Variants in SNX6 observed in about 807,000 individuals in gnomAD.
SNX6 encodes sorting nexin 6.
Under a neutral mutation model 63.0 loss-of-function variants are expected in SNX6, and 34 were observed. The observed-to-expected ratio is 0.54, with a 90% CI of 0.41 to 0.72. The LOEUF (loss-of-function observed/expected upper bound fraction) is 0.72. SNX6 is among the 30% of genes least tolerant of loss of function. The pLI, the probability that SNX6 is intolerant of heterozygous loss-of-function variation, is 0.00. For missense variants in SNX6, 398 were observed against 471.4 expected (o/e 0.84, Z 1.44); for synonymous variants, 170 against 164.2 (o/e 1.04, Z -0.27).
chr14:34,605,041 T>G (rs1882960924), intron 5 of SNX6, among the ~76,000 whole-genome samples: 1 of 151,750 alleles, frequency 6.6e-6, no homozygotes, highest in Non-Finnish European at 1.5e-5. Flanking sequence ...ACTATTAGTT[T>G]CATATATACT....
intron 6 of SNX6, among the ~76,000 whole-genome samples, chr14:34,601,936 C>T (rs1207538873): frequency 1.3e-5 from 2 of 152,030 alleles, no homozygotes; most frequent in African/African-American, 4.8e-5. Flanking sequence ...GTCAATTAAT[C>T]TACTCAAGTT....
In SNX6 at chr14:34,575,196, ATT is replaced by A. The variant is rs34881787; in HGVS notation, c.921+558_921+559del. Among the ~76,000 whole-genome samples, 224 of 110,970 alleles carry A rather than the reference ATT, an allele frequency of 2.0e-3. 2 individuals carry two copies. The highest frequency in any genetic ancestry group is 5.6e-3 in the East Asian group (20 of 3,602). 72.8% of individuals were successfully genotyped at this position (110,970 alleles called of 152,430 possible). A position where few individuals can be genotyped will look rare whatever the true frequency, so the allele number is the denominator to read the frequency against. ...GCATGAGCCACCACCCCTGGCCTCA[ATT>A]TTTTTTTTTTTTTTTTTGAGACAGA... On this transcript the variant is annotated intron_variant, in intron 11 of 13. Transcript: ENST00000362031.
Position 34,614,217 on chromosome 14 carries a change from A to C in SNX6, c.55-4475T>G, listed in dbSNP as rs116781193. Among the ~76,000 whole-genome samples, 1,426 of 152,172 alleles carry C rather than the reference A, an allele frequency of 9.4e-3. 18 individuals are homozygous for C. The highest frequency in any genetic ancestry group is 0.034 in the Middle Eastern group (10 of 294). The stretch of plus-strand genomic sequence containing the variant: ...TGAGGCGATTGGAACACTTGAGCTC[A>C]GGAGTTCAAGACCAATCTAGGCAAC... On this transcript the variant is annotated intron_variant, in intron 2 of 13. Transcript: ENST00000362031.
intron 11 of SNX6, among the ~76,000 whole-genome samples, chr14:34,573,553 C>A (rs1396795241): frequency 6.6e-6 from 1 of 151,376 alleles, no homozygotes; most frequent in African/African-American, 2.4e-5. Context: ...CCAGCCTGGG[C>A]AACAGGGCGA....
intron 2 of SNX6, among the ~76,000 whole-genome samples, chr14:34,619,871 T>C (rs926022397): frequency 1.3e-5 from 2 of 152,018 alleles, no homozygotes; most frequent in African/African-American, 2.4e-5. Context: ...GATCTACTTA[T>C]CTTTTATTTA....
chr14:34,590,787 C>T (rs891144879), intron 8 of SNX6, among the ~76,000 whole-genome samples: 4 of 152,082 alleles, frequency 2.6e-5, no homozygotes, highest in Non-Finnish European at 4.4e-5. Flanking sequence ...CATGTCCGTA[C>T]AAAAAGTTAT....
At chr14:34,599,560 T>A (rs562209148) in intron 6 of SNX6, among the ~76,000 whole-genome samples, 2 of 149,794 alleles carry the variant, frequency 1.3e-5, no homozygotes, top group East Asian at 3.9e-4. Context: ...TGAGCCAATA[T>A]CACGCCATTG....
At chr14:34,587,952 A>G (rs534643531) in intron 8 of SNX6, among the ~76,000 whole-genome samples, 1 of 151,690 alleles carries the variant, frequency 6.6e-6, no homozygotes, top group South Asian at 2.1e-4. Flanking sequence ...CTGGGACTAC[A>G]GGGGCATGCC....
chr14:34,598,216 C>T (rs1421835610), intron 6 of SNX6, among the ~76,000 whole-genome samples: 1 of 152,166 alleles, frequency 6.6e-6, no homozygotes, highest in Non-Finnish European at 1.5e-5. Context: ...CAACAAGCAG[C>T]AGCTAACTCT....
chr14:34,572,179 T>C (rs1418544812), intron 11 of SNX6, among the ~76,000 whole-genome samples: 1 of 152,192 alleles, frequency 6.6e-6, no homozygotes, highest in Non-Finnish European at 1.5e-5. Flanking sequence ...CTAATTAAGG[T>C]GTACAGTGAT....
At position 34,603,612 on chromosome 14, in the gene SNX6, T is replaced by G. The variant is rs555352250; in HGVS notation, c.393-141A>C. ...AAGATATAATTCATGTAAACAAGGT[T>G]TTTAGTTGAACTGTTAATGAAATAC... On this transcript the variant is annotated intron_variant, in intron 5 of 13. Coordinates refer to ENST00000362031, the MANE Select transcript of SNX6 (RefSeq NM_152233.4). 6 of 662,958 alleles carry G rather than the reference T, an allele frequency of 9.1e-6. No homozygotes were observed. The South Asian group carries it at 2.3e-4, about 25-fold the overall frequency. The allele number at this position is 662,958 out of a possible 1,614,324, so 41.1% of individuals were successfully genotyped here.
At chr14:34,582,850 T>C (rs1881997538) in intron 9 of SNX6, among the ~76,000 whole-genome samples, 2 of 149,054 alleles carry the variant, frequency 1.3e-5, no homozygotes, top group Admixed American at 1.3e-4. Context: ...GCCAACAAAA[T>C]TTATCTAGAT....
chr14:34,586,583 C>T (rs867083598), intron 8 of SNX6, among the ~76,000 whole-genome samples: 23 of 152,184 alleles, frequency 1.5e-4, no homozygotes, highest in Middle Eastern at 3.4e-3. Context: ...TTGCACATGC[C>T]TGTAATCCCA....
At chr14:34,599,738 T>C (rs950670342) in intron 6 of SNX6, among the ~76,000 whole-genome samples, 2 of 145,174 alleles carry the variant, frequency 1.4e-5, no homozygotes, top group Non-Finnish European at 3.0e-5. Flanking sequence ...CACACCACTG[T>C]ACTCCAGCCC....
Position 34,581,588 on chromosome 14 carries a change from T to C in SNX6, c.807A>G (p.Lys269=). 6.8e-7 allele frequency: 1 copy of C among 1,481,340 alleles called. No homozygotes were observed. Among genetic ancestry groups the C allele is most frequent in the Non-Finnish European group, 9.4e-7 (1 of 1,065,518 alleles). The allele number at this position is 1,481,340 out of a possible 1,614,324, so 91.8% of individuals were successfully genotyped here. ...DSTDICKFFL[K]VSELFDKTRK... The stretch of plus-strand genomic sequence containing the variant: ...TTGTTTTATCGAACAGTTCTGAAAC[T>C]TTGAGAAAAAACCTGGAAAGGAAAA... Residue 269 remains lysine, a synonymous_variant, in exon 10 of 14, where the codon AAA becomes AAG. Coordinates refer to ENST00000362031, the MANE Select transcript of SNX6 (RefSeq NM_152233.4).
In SNX6 at chr14:34,586,295, A is replaced by C. The variant is rs1450862920; in HGVS notation, c.729T>G (p.Asp243Glu). 6.2e-7 allele frequency: 1 copy of C among 1,606,518 alleles called. No homozygotes were observed. Among genetic ancestry groups the C allele is most frequent in the Admixed American group, 1.7e-5 (1 of 59,918 alleles). ...RMTRSHKSAA[D>E]DYNRIGSSLY... ...ATGAAGAACCAATTCTATTGTAATC[A>C]TCTGCAGCACCTATGGAGAAAGTTT... The change falls in exon 9 of 14, where the codon GAT (aspartate) becomes GAG (glutamate). Residue 243 changes from aspartate to glutamate, a missense_variant. By Grantham distance (45) the Asp-to-Glu change is conservative. Coordinates refer to ENST00000362031, the MANE Select transcript of SNX6 (RefSeq NM_152233.4).
intron 13 of SNX6, among the ~76,000 whole-genome samples, chr14:34,564,240 C>T (rs1400115469): frequency 6.6e-6 from 1 of 152,064 alleles, no homozygotes; most frequent in African/African-American, 2.4e-5. Flanking sequence ...GTTGGCCAGG[C>T]TGGTCTTGAA....
intron 8 of SNX6, among the ~76,000 whole-genome samples, chr14:34,586,815 C>T (rs1882177609): frequency 6.6e-6 from 1 of 151,686 alleles, no homozygotes; most frequent in East Asian, 1.9e-4. Context: ...TAGGATCATC[C>T]TGGCTAACAC....
chr14:34,593,984 A>G (rs948939155), intron 7 of SNX6, among the ~76,000 whole-genome samples: 1 of 152,064 alleles, frequency 6.6e-6, no homozygotes, highest in African/African-American at 2.4e-5. Context: ...CCAACGTGCT[A>G]AAGTGCTGGG....
Sources: allele counts gnomAD v4.1 joint callset (sites outside exome capture counted in the v4.1 genomes callset), GRCh38; gene constraint gnomAD v4.1.1; transcripts MANE v1.5; gene names NCBI Gene and HGNC (gene_info 2026-07-23, HGNC 2026-07-21).